The following RAB28 variants were observed in gnomAD, a reference collection of about 807,000 sequenced individuals.
RAB28 encodes the protein RAB28, member RAS oncogene family, also known as ras-related protein Rab-28.
A neutral mutation model predicts 31.7 loss-of-function variants in RAB28; 24 were observed. The ratio of observed to expected loss-of-function variants is 0.76; its 90% confidence interval spans 0.55 to 1.06. The LOEUF is 1.06. Among genes scored for constraint, RAB28 ranks in the 50% least tolerant of loss-of-function variants. RAB28 has a pLI of 0.00. For missense variants in RAB28, 254 were observed against 258.5 expected, an observed-to-expected ratio of 0.98 and a Z score of 0.12; for synonymous variants, 100 against 90.4, an observed-to-expected ratio of 1.11 and a Z score of -0.60.
At chr4:13,384,531 G>A (rs1729281323) in intron 4 of RAB28, among the ~76,000 whole-genome samples, 1 of 152,204 alleles carries the variant, frequency 6.6e-6, no homozygotes, top group Admixed American at 6.5e-5. Flanking sequence ...TAACCTCGAG[G>A]AGTCAGAGAA....
intron 4 of RAB28, among the ~76,000 whole-genome samples, chr4:13,423,306 A>C (rs1713277292): frequency 6.6e-6 from 1 of 152,000 alleles, no homozygotes; most frequent in African/African-American, 2.4e-5. Context: ...GAGGCCAAGG[A>C]GGGTGGATCG....
intron 4 of RAB28, among the ~76,000 whole-genome samples, chr4:13,451,294 C>T (rs546046528): frequency 6.6e-6 from 1 of 151,396 alleles, no homozygotes; most frequent in African/African-American, 2.4e-5. Context: ...GATGTTGGAA[C>T]ATTTTTTTCA....
At chr4:13,420,239 A>G (rs1264294065) in intron 4 of RAB28, among the ~76,000 whole-genome samples, 1 of 152,234 alleles carries the variant, frequency 6.6e-6, no homozygotes, top group Non-Finnish European at 1.5e-5. Context: ...GACCAGTAAC[A>G]GGCTCTGAGC....
intron 4 of RAB28, among the ~76,000 whole-genome samples, chr4:13,443,245 C>T (rs1342384506): frequency 1.3e-5 from 2 of 151,838 alleles, no homozygotes; most frequent in East Asian, 3.9e-4. Flanking sequence ...ACGATCTCGG[C>T]TCACTGCAAC....
At chr4:13,452,341 C>T (rs946214794) in intron 4 of RAB28, among the ~76,000 whole-genome samples, 4 of 151,746 alleles carry the variant, frequency 2.6e-5, no homozygotes, top group African/African-American at 9.7e-5. Flanking sequence ...TCCTTGCATT[C>T]TATTTCCTTG....
In RAB28 at chr4:13,466,707, G is replaced by T. The variant is rs551785701; in HGVS notation, c.262-5879C>A. ...GTATTTACCCAAAGATTTGAAATCA[G>T]TTTGTCAAAGAGGTTTTTGCACTCC... is the stretch of plus-strand genomic sequence containing the variant. On this transcript the variant is annotated intron_variant, in intron 3 of 6. Coordinates refer to ENST00000330852, the MANE Select transcript of RAB28 (RefSeq NM_001017979.3). Among the ~76,000 whole-genome samples, 12 of 151,988 alleles carry T rather than the reference G, an allele frequency of 7.9e-5. No homozygotes were observed. In the South Asian group the frequency reaches 2.3e-3, roughly 29 times the overall value.
chr4:13,426,706 G>C, intron 4 of RAB28, among the ~76,000 whole-genome samples: 1 of 152,016 alleles, frequency 6.6e-6, no homozygotes, highest in Non-Finnish European at 1.5e-5. Flanking sequence ...TCCTCAACAA[G>C]TATTTGCTAA....
chr4:13,481,875 G>C (rs1024607143), intron 1 of RAB28, among the ~76,000 whole-genome samples: 6 of 152,054 alleles, frequency 3.9e-5, no homozygotes, highest in Admixed American at 3.3e-4. Flanking sequence ...ATACAAGTAA[G>C]AATGAAAGAG....
At chr4:13,379,067 C>T (rs571596134) in intron 5 of RAB28, among the ~76,000 whole-genome samples, 5 of 151,124 alleles carry the variant, frequency 3.3e-5, no homozygotes, top group East Asian at 1.9e-4. Flanking sequence ...ATTAGCCAGG[C>T]GTGGTGGTGG....
chr4:13,382,192 G>A (rs1729160531), intron 4 of RAB28, among the ~76,000 whole-genome samples: 1 of 152,148 alleles, frequency 6.6e-6, no homozygotes, highest in Admixed American at 6.5e-5. Flanking sequence ...AGAGTAAGGG[G>A]CAAGGATGTA....
rs368371231 is a variant in RAB28, at chr4:13,424,471, T to C, written c.391+36228A>G. Reference sequence around the variant, plus strand: ...TTCTCGTAAGTCATTGGATTTAGGGTCCACCCTCATCAAATATTACCTCAT... The same window carrying C: ...TTCTCGTAAGTCATTGGATTTAGGGCCCACCCTCATCAAATATTACCTCAT... On this transcript the variant is annotated intron_variant, in intron 4 of 6. Coordinates refer to ENST00000330852, the MANE Select transcript of RAB28 (RefSeq NM_001017979.3). 3.3e-5 allele frequency among the ~76,000 whole-genome samples: 5 copies of C among 152,292 alleles called. No individual in the cohort carries two copies. In the East Asian group the frequency reaches 5.8e-4, roughly 18 times the overall value.
chr4:13,474,669 A>G (rs1049214843), intron 2 of RAB28, among the ~76,000 whole-genome samples: 3 of 151,582 alleles, frequency 2.0e-5, no homozygotes, highest in Non-Finnish European at 3.0e-5. Context: ...AAATAAAGTA[A>G]GCTTTAATTT....
intron 4 of RAB28, among the ~76,000 whole-genome samples, chr4:13,429,978 G>C (rs1013430098): frequency 6.6e-6 from 1 of 152,082 alleles, no homozygotes; most frequent in Non-Finnish European, 1.5e-5. Context: ...ACTGGTATAA[G>C]GACAGACATA....
At chr4:13,481,941 G>A (rs1716625482) in intron 1 of RAB28, among the ~76,000 whole-genome samples, 1 of 152,114 alleles carries the variant, frequency 6.6e-6, no homozygotes, top group Non-Finnish European at 1.5e-5. Context: ...AATGTTGGTG[G>A]CTGCCAAGTA....
intron 3 of RAB28, among the ~76,000 whole-genome samples, chr4:13,463,972 G>C (rs1282561863): frequency 2.0e-5 from 3 of 152,006 alleles, no homozygotes; most frequent in African/African-American, 7.2e-5. Context: ...GACTTTTCTT[G>C]GACTGATCAG....
At chr4:13,467,420 GTTAA>G (rs1715913209) in intron 3 of RAB28, among the ~76,000 whole-genome samples, 1 of 151,694 alleles carries the variant, frequency 6.6e-6, no homozygotes, top group African/African-American at 2.4e-5. Flanking sequence ...TTTTCTTATT[GTTAA>G]TTGATATAAA....
intron 4 of RAB28, among the ~76,000 whole-genome samples, chr4:13,407,869 T>C (rs1712195803): frequency 6.6e-6 from 1 of 152,244 alleles, no homozygotes; most frequent in South Asian, 2.1e-4. Context: ...TGATTTTGTG[T>C]CCTGAGACTT....
intron 2 of RAB28, among the ~76,000 whole-genome samples, chr4:13,475,981 G>A (rs976887477): frequency 5.3e-5 from 8 of 151,396 alleles, no homozygotes; most frequent in Non-Finnish European, 1.0e-4. Context: ...ACTCTTTAGG[G>A]TTATTTGATT....
chr4:13,425,747 G>A (rs1713445333), intron 4 of RAB28, among the ~76,000 whole-genome samples: 1 of 152,090 alleles, frequency 6.6e-6, no homozygotes, highest in Non-Finnish European at 1.5e-5. Context: ...TTGTACTGTT[G>A]CTTTAGTTGC....
Sources: gnomAD v4.1 joint callset for allele counts (sites outside exome capture counted in the v4.1 genomes callset) on GRCh38, gnomAD v4.1.1 for gene constraint, MANE v1.5 for transcripts, NCBI Gene and HGNC (gene_info 2026-07-23, HGNC 2026-07-21) for gene names.